ZNF687: variants seen among roughly 807,000 people sequenced by gnomAD.
The protein encoded by ZNF687 is zinc finger protein 687.
ZNF687 carries 13 observed loss-of-function variants against 71.8 expected under a neutral mutation model. That is an observed-to-expected ratio of 0.18 (90% CI 0.12 to 0.29). The LOEUF (loss-of-function observed/expected upper bound fraction) is 0.29. Among genes scored for constraint, ZNF687 ranks in the 10% least tolerant of loss-of-function variants. The pLI is 1.00. For missense variants in ZNF687, 1,412 were observed against 1,625.6 expected (o/e 0.87, Z 2.26); for synonymous variants, 673 against 641.6 (o/e 1.05, Z -0.74).
In ZNF687 at chr1:151,288,402, G is replaced by T. The variant is rs373871453; in HGVS notation, c.2111G>T (p.Ser704Ile). 1 of 1,603,420 alleles carries T rather than the reference G, an allele frequency of 6.2e-7. No individual in the cohort carries two copies. The highest frequency in any genetic ancestry group is 1.3e-5 in the African/African-American group (1 of 74,830). Residue 704 changes from serine (S) to isoleucine (I), a missense_variant, in exon 2 of 9, where the codon AGC becomes ATC. Around this residue, in one of 8 missense-constraint regions of ZNF687, gnomAD observed 207 missense variants for 239.2 expected, o/e 0.87. Transcript: ENST00000336715. Reference protein sequence around the residue: ...QLGPPAPGATSNVCPTCPMML... With the variant: ...QLGPPAPGATINVCPTCPMML... ...GGCCCCCCTGCCCCTGGGGCCACCAGCAATGTGAGTCACCTTTCACAGCCC... is the reference window on the plus strand; with the variant it reads ...GGCCCCCCTGCCCCTGGGGCCACCATCAATGTGAGTCACCTTTCACAGCCC...
chr1:151,288,782 T>TC, intron 3 of ZNF687, 76 bp downstream of exon 3: 3 of 1,447,712 alleles, frequency 2.1e-6, no homozygotes, highest in Non-Finnish European at 2.8e-6. Flanking sequence ...CCTTTCAAGA[T>TC]CCCCTATCTT....
chr1:151,282,028 T>G (rs1285594611), upstream of ZNF687: 1 of 1,268,836 alleles, frequency 7.9e-7, no homozygotes, highest in Non-Finnish European at 1.0e-6. Context: ...GCCAATCGTT[T>G]ACGAGACTCG....
In ZNF687 at chr1:151,288,754, A is replaced by G. The variant is rs756153032; in HGVS notation, c.2294+48A>G. On this transcript the variant is annotated intron_variant, in intron 3 of 8. Coordinates refer to ENST00000336715, the MANE Select transcript of ZNF687 (RefSeq NM_020832.3). Reference sequence around the variant, plus strand: ...AGAACTGTAGGGTTTCGTGTGTCCTAGCCTCAGCCTCAGATGGCCTTTCAA... The same window carrying G: ...AGAACTGTAGGGTTTCGTGTGTCCTGGCCTCAGCCTCAGATGGCCTTTCAA... 10 of 1,547,694 alleles carry G rather than the reference A, an allele frequency of 6.5e-6. No homozygotes were observed. In the East Asian group the frequency reaches 2.0e-4, roughly 32 times the overall value.
At chr1:151,281,884 C>A (rs1693725777), upstream of ZNF687, 2 of 556,052 alleles carry the variant, frequency 3.6e-6, no homozygotes, top group Admixed American at 3.8e-5. Context: ...TCCTTACATT[C>A]GCGAAAGTGA....
rs1694089818 is a variant in ZNF687, at chr1:151,289,254, C to T, written c.2454C>T (p.Phe818=). Residue 818 remains phenylalanine (F), a synonymous_variant, in exon 4 of 9, where the codon TTC becomes TTT. Coordinates refer to ENST00000336715, the MANE Select transcript of ZNF687 (RefSeq NM_020832.3). The stretch of plus-strand genomic sequence containing the variant: ...ACCTCTACTCCCAGCATCCCAGCTT[C>T]CAAACTCAGCAGGCCAAGTGAGGCC... ...HAHLYSQHPS[F]QTQQAKLIYK... 6.2e-7 allele frequency: 1 copy of T among 1,614,016 alleles called. No individual in the cohort carries two copies. The highest frequency in any genetic ancestry group is 1.3e-5 in the African/African-American group (1 of 75,078).
At position 151,286,482 on chromosome 1, in the gene ZNF687, G is replaced by C; in HGVS notation, c.191G>C (p.Gly64Ala). 1 of 1,614,066 alleles carries C rather than the reference G, an allele frequency of 6.2e-7. No individual in the cohort carries two copies. Among genetic ancestry groups the C allele is most frequent in the South Asian group, 1.1e-5 (1 of 91,074 alleles). The part of the protein sequence containing the change: ...TAAASAGDGP[G>A]VPAQASDHGL... ...GCAGCCTCTGCTGGGGATGGCCCTG[G>C]AGTTCCAGCCCAGGCCTCTGACCAT... Residue 64 changes from glycine to alanine, a missense_variant, in exon 2 of 9, where the codon GGA (glycine) becomes GCA (alanine). By Grantham distance (60) the Gly-to-Ala change is moderately conservative (BLOSUM62 0). Transcript: ENST00000336715.
chr1:151,287,542 C>T lies in ZNF687; in HGVS notation c.1251C>T (p.Ala417=), dbSNP rs200690530. The T allele has an allele frequency of 8.1e-6, 13 of 1,614,000 alleles. No individual in the cohort carries two copies. The highest frequency in any genetic ancestry group is 2.7e-5 in the African/African-American group (2 of 74,930). Residue 417 remains alanine (A), a synonymous_variant, in exon 2 of 9, where the codon GCC becomes GCT. Transcript: ENST00000336715. The surrounding 1 kb of genome is among the most constrained non-coding windows in gnomAD (Gnocchi z 5.0). ...QNASTAMLMA[A]SVARKAVVLP... is the part of the protein sequence containing the mutation. Reference sequence around the variant, plus strand: ...CCAGTACTGCCATGCTGATGGCAGCCAGTGTGGCTCGCAAGGCTGTGGTGC... The same window carrying T: ...CCAGTACTGCCATGCTGATGGCAGCTAGTGTGGCTCGCAAGGCTGTGGTGC...
At position 151,287,586 on chromosome 1, in the gene ZNF687, C is replaced by T. The variant is rs1694009009; in HGVS notation, c.1295C>T (p.Thr432Ile). The change falls in exon 2 of 9, where the codon ACC becomes ATC. Residue 432 changes from threonine to isoleucine, a missense_variant. Transcript: ENST00000336715. This position sits in a 1 kb window ranked among gnomAD's most constrained non-coding sequence, Gnocchi z 5.0. ...GTGGTGCTGCCTGGGGGGACTGCCA[C>T]CAGCCCTAAGATGATTGCTAAGAAC... ...KAVVLPGGTA[T>I]SPKMIAKNVL... 1.9e-6 allele frequency: 3 copies of T among 1,613,944 alleles called. No individual in the cohort carries two copies. The highest frequency in any genetic ancestry group is 2.2e-5 in the East Asian group (1 of 44,868).
chr1:151,286,983 C>T lies in ZNF687; in HGVS notation c.692C>T (p.Pro231Leu). The change falls in exon 2 of 9, where the codon CCC becomes CTC. Residue 231 changes from proline (P) to leucine (L), a missense_variant. Pro to Leu is a moderately conservative substitution (Grantham distance 98). Around this residue, in one of 8 missense-constraint regions of ZNF687, gnomAD observed 490 missense variants for 489.9 expected, o/e 1.00. Coordinates refer to ENST00000336715, the MANE Select transcript of ZNF687 (RefSeq NM_020832.3). ...CAGGAGAGCTGCAGCCCCCATCATC[C>T]CCAGGTCCTAGCCCAACAAGGCTCA... Reference protein sequence around the residue: ...LKQESCSPHHPQVLAQQGSGS... With the variant: ...LKQESCSPHHLQVLAQQGSGS... 1.9e-6 allele frequency: 3 copies of T among 1,603,986 alleles called. No individual in the cohort carries two copies. Among genetic ancestry groups the T allele is most frequent in the African/African-American group, 1.3e-5 (1 of 74,792 alleles).
upstream of ZNF687, chr1:151,281,638 C>G (rs1557764180): frequency 4.3e-6 from 2 of 470,166 alleles, no homozygotes; most frequent in South Asian, 1.5e-5. Context: ...CGCCCAGGAG[C>G]TGAACCGCGC....
chr1:151,286,181 T>A (rs1385938990), intron 1 of ZNF687, 94 bp from the exon 2 acceptor site: 1 of 1,099,422 alleles, frequency 9.1e-7, no homozygotes, highest in Admixed American at 2.5e-5. Flanking sequence ...ATGTGGGTTC[T>A]GAGAGAGGAT....
At position 151,289,853 on chromosome 1, in the gene ZNF687, C is replaced by A. The variant is rs148402804; in HGVS notation, c.2810C>A (p.Pro937His). Residue 937 changes from proline to histidine, a missense_variant, in exon 6 of 9, where the codon CCC becomes CAC. Coordinates refer to ENST00000336715, the MANE Select transcript of ZNF687 (RefSeq NM_020832.3). ...GAGGAAGTACCCAGCTCCCCTGAGC[C>A]CCCCCGTCCAGCCAAACGGCCTCGG... ...EEEEVPSSPE[P>H]PRPAKRPRRE... 2.3e-4 allele frequency: 365 copies of A among 1,568,152 alleles called. No homozygotes were observed. The highest frequency in any genetic ancestry group is 2.8e-4 in the Admixed American group (15 of 53,068).
At chr1:151,290,326 C>A in intron 7 of ZNF687, 92 bp downstream of exon 7, 2 of 1,608,632 alleles carry the variant, frequency 1.2e-6, no homozygotes, top group African/African-American at 2.7e-5. Flanking sequence ...GTCTAAGTGG[C>A]CTGATGGTTG....
In ZNF687 at chr1:151,289,835, T is replaced by C. The variant is rs1288072004; in HGVS notation, c.2792T>C (p.Val931Ala). 1 of 1,569,232 alleles carries C rather than the reference T, an allele frequency of 6.4e-7. No homozygotes were observed. Among genetic ancestry groups the C allele is most frequent in the Non-Finnish European group, 8.6e-7 (1 of 1,156,558 alleles). The part of the protein sequence containing the change: ...ESSSSSEEEE[V>A]PSSPEPPRPA... ...TCTTCATCTTCAGAAGAGGAGGAAG[T>C]ACCCAGCTCCCCTGAGCCCCCCCGT... Residue 931 changes from valine (V) to alanine (A), a missense_variant, in exon 6 of 9, where the codon GTA becomes GCA. Physicochemically the swap from Val to Ala is moderately conservative, Grantham distance 64. Around this residue, in one of 8 missense-constraint regions of ZNF687, gnomAD observed 135 missense variants for 104.1 expected, o/e 1.30. Coordinates refer to ENST00000336715, the MANE Select transcript of ZNF687 (RefSeq NM_020832.3).
chr1:151,288,988 G>C, intron 3 of ZNF687, 107 bp from the exon 4 acceptor site: 1 of 1,283,330 alleles, frequency 7.8e-7, no homozygotes, highest in Non-Finnish European at 1.1e-6. Context: ...CTCCACTACT[G>C]ATTTCCTTCT....
rs144793597 is a variant in ZNF687, at chr1:151,288,015, A to G, written c.1724A>G (p.Lys575Arg). 2 of 1,613,924 alleles carry G rather than the reference A, an allele frequency of 1.2e-6. No homozygotes were observed. Among genetic ancestry groups the G allele is most frequent in the African/African-American group, 2.7e-5 (2 of 74,932 alleles). Residue 575 changes from lysine (K) to arginine (R), a missense_variant, in exon 2 of 9, where the codon AAG (lysine) becomes AGG (arginine). Transcript: ENST00000336715. The part of the protein sequence containing the change: ...HCARRLVFFN[K>R]CSLLLHAREH... ...GCCCGCCGCCTGGTCTTCTTCAACA[A>G]GTGCAGCCTGCTCCTGCATGCACGT...
At chr1:151,290,050 T>C (rs748313023) in intron 6 of ZNF687, 43 bp downstream of exon 6, 53 of 1,606,970 alleles carry the variant, frequency 3.3e-5, no homozygotes, top group Non-Finnish European at 4.3e-5. Context: ...GGGGGCAGCA[T>C]TGGGACTGCC....
Position 151,283,203 on chromosome 1 carries a change from C to G in ZNF687, c.-18+808C>G, listed in dbSNP as rs74125914. 3.7e-3 allele frequency: 3,672 copies of G among 985,454 alleles called. 103 individuals carry two copies. In the African/African-American group the frequency reaches 0.059, roughly 16 times the overall value. 61.0% of individuals were successfully genotyped at this position (985,454 alleles called of 1,614,324 possible). ...CGAAACCCAGGACTTGCTCCCCGCG[C>G]CAGCCCTCGGCAGATGGCAGGGACT... is the stretch of plus-strand genomic sequence containing the variant. On this transcript the variant is annotated intron_variant, in intron 1 of 8. Transcript: ENST00000336715.
In ZNF687 at chr1:151,282,639, G is replaced by A. The variant is rs1053374658; in HGVS notation, c.-18+244G>A. Reference sequence around the variant, plus strand: ...AGGAGGGTCGAGAACCCCAGGTCCTGGCGCCCCCGGCTCGAGAGGCACCCG... The same window carrying A: ...AGGAGGGTCGAGAACCCCAGGTCCTAGCGCCCCCGGCTCGAGAGGCACCCG... On this transcript the variant is annotated intron_variant, in intron 1 of 8. Coordinates refer to ENST00000336715, the MANE Select transcript of ZNF687 (RefSeq NM_020832.3). 4.6e-5 allele frequency among the ~76,000 whole-genome samples: 7 copies of A among 152,170 alleles called. No homozygotes were observed. In the East Asian group the frequency reaches 1.4e-3, roughly 29 times the overall value.
Sources: gnomAD v4.1 joint callset for allele counts (sites outside exome capture counted in the v4.1 genomes callset) on GRCh38, gnomAD v4.1.1 for gene constraint, gnomAD v4.1.1 regional missense constraint, Gnocchi (gnomAD v3.1) non-coding constraint, MANE v1.5 for transcripts, NCBI Gene and HGNC (gene_info 2026-07-23, HGNC 2026-07-21) for gene names.